Variants in TSHZ2 observed in about 807,000 individuals in gnomAD.
TSHZ2 encodes teashirt homolog 2.
In TSHZ2, 21 loss-of-function variants were observed where a neutral mutation model predicts 74.4. That is an observed-to-expected ratio of 0.28 (90% CI 0.20 to 0.41). TSHZ2 has a LOEUF of 0.41. Among genes scored for constraint, TSHZ2 ranks in the 10% least tolerant of loss-of-function variants. The probability of loss-of-function intolerance (pLI) is 1.00; values close to 1 mark genes in which losing one functional copy is unlikely to be tolerated. For synonymous variants in TSHZ2, 540 were observed against 515.3 expected (o/e 1.05, Z -0.65); for missense variants, 1,244 against 1,293.5 (o/e 0.96, Z 0.59).
chr20:53,319,238 C>T (rs1423432063), intron 2 of TSHZ2, among the ~76,000 whole-genome samples: 1 of 152,264 alleles, frequency 6.6e-6, no homozygotes, highest in African/African-American at 2.4e-5. Context: ...TGTAAAAAAG[C>T]CAAGTATAAG....
chr20:53,479,995 TG>T (rs1484067705), intron 2 of TSHZ2, among the ~76,000 whole-genome samples: 1 of 151,906 alleles, frequency 6.6e-6, no homozygotes, highest in Non-Finnish European at 1.5e-5. Context: ...CCCAATACTT[TG>T]GGAGGACGAG....
At chr20:53,355,790 A>G (rs1169921578) in intron 2 of TSHZ2, among the ~76,000 whole-genome samples, 6 of 152,182 alleles carry the variant, frequency 3.9e-5, no homozygotes. Flanking sequence ...AACAAAACAA[A>G]AAGAAGGATG....
rs550547788 is a variant in TSHZ2, at chr20:52,973,119, C to G, written c.-175C>G. On this transcript the variant is annotated 5_prime_UTR_variant, in exon 1 of 3. Transcript: ENST00000371497. Reference sequence around the variant, plus strand: ...GTCTGCCACCCAGAGAGGGGGGTCTCTGGCCCGTGGTGGAGGAGTTGCAGG... The same window carrying G: ...GTCTGCCACCCAGAGAGGGGGGTCTGTGGCCCGTGGTGGAGGAGTTGCAGG... The G allele has an allele frequency of 5.3e-6, 4 of 751,104 alleles. No homozygotes were observed. The South Asian group carries it at 8.6e-5, about 16-fold the overall frequency. The allele number at this position is 751,104 out of a possible 1,614,324, so 46.5% of individuals were successfully genotyped here.
In TSHZ2 at chr20:53,081,135, C is replaced by T. The variant is rs1361339431; in HGVS notation, c.40+107802C>T. On this transcript the variant is annotated intron_variant, in intron 1 of 2. Transcript: ENST00000371497. ...GGCTCAAGCAGTCCTCCTGCCTCAG[C>T]CTCCCAAGTATCTGGGACTACAGGC... Among the ~76,000 whole-genome samples the T allele has an allele frequency of 2.6e-5, 4 of 152,306 alleles. No individual in the cohort carries two copies. The South Asian group carries it at 8.3e-4, about 32-fold the overall frequency.
At chr20:53,107,221 G>C (rs1341078961) in intron 1 of TSHZ2, among the ~76,000 whole-genome samples, 1 of 152,148 alleles carries the variant, frequency 6.6e-6, no homozygotes, top group Admixed American at 6.5e-5. Flanking sequence ...AAGGCTTCAA[G>C]TCTATCATCA....
intron 2 of TSHZ2, among the ~76,000 whole-genome samples, chr20:53,321,697 A>AAAAAAAAAAG (rs1555850300): frequency 4.3e-5 from 6 of 140,548 alleles, no homozygotes; most frequent in Admixed American, 3.0e-4. Context: ...AAAAAAAAAA[A>AAAAAAAAAAG]AAAGAAAGAC....
chr20:53,001,230 G>GTATGTGTGTGTGTGTGTGTA (rs1555813623), intron 1 of TSHZ2, among the ~76,000 whole-genome samples: 1 of 126,114 alleles, frequency 7.9e-6, no homozygotes. Flanking sequence ...GTGTGTGTGT[G>GTATGTGTGTGTGTGTGTGTA]TGTGTGTGTG....
At chr20:53,094,726 C>T (rs1401847670) in intron 1 of TSHZ2, among the ~76,000 whole-genome samples, 1 of 152,172 alleles carries the variant, frequency 6.6e-6, no homozygotes, top group Non-Finnish European at 1.5e-5. Flanking sequence ...GCCCCCAGAA[C>T]ACCTAGACTC....
chr20:53,168,173 A>G (rs1360733666), intron 1 of TSHZ2, among the ~76,000 whole-genome samples: 2 of 152,178 alleles, frequency 1.3e-5, no homozygotes, highest in Non-Finnish European at 1.5e-5. Flanking sequence ...GGTTTGTCCA[A>G]TGGCACTGTT....
chr20:53,442,604 A>G (rs1047948366), intron 2 of TSHZ2, among the ~76,000 whole-genome samples: 1 of 151,692 alleles, frequency 6.6e-6, no homozygotes, highest in Non-Finnish European at 1.5e-5. Flanking sequence ...ACCCCCCATC[A>G]CTCTGAGAGA....
intron 1 of TSHZ2, chr20:53,168,716 C>CAGAA (rs1988120004): frequency 6.6e-6 from 1 of 152,062 alleles, no homozygotes. Context: ...CAGATGCAAC[C>CAGAA]TTCTTTCCAG....
chr20:53,140,268 C>T (rs1167952760), intron 1 of TSHZ2, among the ~76,000 whole-genome samples: 4 of 151,872 alleles, frequency 2.6e-5, no homozygotes, highest in East Asian at 3.9e-4. Context: ...GGGCCAGGCA[C>T]GGTGGCTCGC....
At chr20:53,019,678 C>G (rs984127173) in intron 1 of TSHZ2, among the ~76,000 whole-genome samples, 2 of 152,128 alleles carry the variant, frequency 1.3e-5, no homozygotes, top group African/African-American at 4.8e-5. Flanking sequence ...ATTACATCCT[C>G]GTGGGCAAGT....
At chr20:53,149,023 T>C (rs959408009) in intron 1 of TSHZ2, among the ~76,000 whole-genome samples, 1 of 152,232 alleles carries the variant, frequency 6.6e-6, no homozygotes, top group Non-Finnish European at 1.5e-5. Flanking sequence ...TGTGGCTTAC[T>C]TGATGCCAGT....
intron 2 of TSHZ2, among the ~76,000 whole-genome samples, chr20:53,329,824 G>A (rs1275047543): frequency 1.3e-5 from 2 of 152,066 alleles, no homozygotes; most frequent in Admixed American, 6.6e-5. Flanking sequence ...AAGAGAAAGA[G>A]AGAGAGAGAG....
At chr20:53,321,697 A>AAAAAAAAAAAAAAAG (rs1555850300) in intron 2 of TSHZ2, among the ~76,000 whole-genome samples, 23 of 140,536 alleles carry the variant, frequency 1.6e-4, no homozygotes, top group East Asian at 4.3e-4. Context: ...AAAAAAAAAA[A>AAAAAAAAAAAAAAAG]AAAGAAAGAC....
At chr20:53,155,506 G>C (rs1219969217) in intron 1 of TSHZ2, among the ~76,000 whole-genome samples, 1 of 151,804 alleles carries the variant, frequency 6.6e-6, no homozygotes, top group East Asian at 1.9e-4. Context: ...TCATTGAGGG[G>C]ATATATCAGG....
chr20:53,046,058 G>A (rs1011414419), intron 1 of TSHZ2, among the ~76,000 whole-genome samples: 1 of 152,094 alleles, frequency 6.6e-6, no homozygotes, highest in African/African-American at 2.4e-5. Context: ...TCCAAGGAGG[G>A]CCCCCAGATT....
intron 2 of TSHZ2, among the ~76,000 whole-genome samples, chr20:53,297,435 G>A (rs925788430): frequency 6.6e-6 from 1 of 151,958 alleles, no homozygotes; most frequent in Non-Finnish European, 1.5e-5. Context: ...TTAGCGTGCC[G>A]TCTTACCCAA....
Sources: gnomAD v4.1 joint callset for allele counts (sites outside exome capture counted in the v4.1 genomes callset) on GRCh38, gnomAD v4.1.1 for gene constraint, MANE v1.5 for transcripts, NCBI Gene and HGNC (gene_info 2026-07-23, HGNC 2026-07-21) for gene names.